Variants in UST observed in about 807,000 individuals in gnomAD.
The protein encoded by UST is chondroitin sulfate 2-O-sulfotransferase.
Under a neutral mutation model 45.6 loss-of-function variants are expected in UST, and 21 were observed. That is an observed-to-expected ratio of 0.46 (90% confidence interval 0.33 to 0.66). UST has a LOEUF of 0.66. Ranked by LOEUF, UST falls within the 30% of genes least tolerant of loss-of-function variation. The probability of loss-of-function intolerance (pLI) is 0.02; values close to 1 mark genes in which losing one functional copy is unlikely to be tolerated. For synonymous variants in UST, 215 were observed against 200.6 expected, an observed-to-expected ratio of 1.07 and a Z score of -0.61; for missense variants, 463 against 512.4, an observed-to-expected ratio of 0.90 and a Z score of 0.93.
intron 1 of UST, among the ~76,000 whole-genome samples, chr6:148,828,444 T>G (rs1357705598): frequency 2.0e-5 from 3 of 152,086 alleles, no homozygotes; most frequent in African/African-American, 7.2e-5. Flanking sequence ...GGAAAATATT[T>G]AAATTATCGT....
intron 5 of UST, among the ~76,000 whole-genome samples, chr6:149,001,934 C>T (rs1781556721): frequency 6.6e-6 from 1 of 152,112 alleles, no homozygotes; most frequent in South Asian, 2.1e-4. Flanking sequence ...CAAATTACTT[C>T]ATGCTTTATT....
At chr6:148,754,402 C>T (rs1233520926) in intron 1 of UST, among the ~76,000 whole-genome samples, 1 of 152,090 alleles carries the variant, frequency 6.6e-6, no homozygotes, top group African/African-American at 2.4e-5. Flanking sequence ...TTTGTGCACT[C>T]GTCACCCAAG....
intron 1 of UST, among the ~76,000 whole-genome samples, chr6:148,805,582 G>A (rs1217084103): frequency 6.6e-6 from 1 of 152,166 alleles, no homozygotes. Flanking sequence ...GAGGATTTCT[G>A]GAATAAGTTT....
intron 3 of UST, among the ~76,000 whole-genome samples, chr6:148,949,914 TC>T (rs1490622493): frequency 6.6e-6 from 1 of 151,982 alleles, no homozygotes; most frequent in African/African-American, 2.4e-5. Context: ...CAAGCCCATT[TC>T]CCCCCTTATC....
At chr6:149,062,391 G>A (rs1357027466) in intron 7 of UST, among the ~76,000 whole-genome samples, 2 of 152,224 alleles carry the variant, frequency 1.3e-5, no homozygotes, top group Admixed American at 6.5e-5. Context: ...ATCCAGTCTT[G>A]CAGATGGATT....
chr6:148,881,037 A>AG (rs1778814245), intron 1 of UST, among the ~76,000 whole-genome samples: 1 of 152,110 alleles, frequency 6.6e-6, no homozygotes, highest in African/African-American at 2.4e-5. Context: ...TAAAAAAAAA[A>AG]AAAAAAATTA....
At chr6:149,002,151 A>G (rs1055393583) in intron 5 of UST, among the ~76,000 whole-genome samples, 2 of 142,140 alleles carry the variant, frequency 1.4e-5, no homozygotes, top group Non-Finnish European at 3.1e-5. Flanking sequence ...AAAAAATCTT[A>G]CAATGTTAAA....
chr6:149,009,814 C>G (rs12193145), intron 5 of UST, among the ~76,000 whole-genome samples: 56,165 of 148,070 alleles, frequency 0.38, 11,154 homozygotes, highest in Non-Finnish European at 0.45. Flanking sequence ...TTCATTATAC[C>G]TTTTGTCTTT....
chr6:148,797,590 A>G (rs907721406), intron 1 of UST, among the ~76,000 whole-genome samples: 9 of 152,348 alleles, frequency 5.9e-5, no homozygotes, highest in African/African-American at 1.9e-4. Context: ...AAGAAAAGTG[A>G]GTGTTCAGAG....
At position 148,921,427 on chromosome 6, in the gene UST, G is replaced by A. The variant is rs144065450; in HGVS notation, c.292-19852G>A. On this transcript the variant is annotated intron_variant, in intron 2 of 7. Transcript: ENST00000367463. ...AACTTGCTTTTTCCTAAGTGATTTT[G>A]TGTGTTGTATAGTATGCTTGTTGTT... 2.1e-3 allele frequency among the ~76,000 whole-genome samples: 317 copies of A among 152,322 alleles called. 2 individuals carry two copies. Among genetic ancestry groups the A allele is most frequent in the African/African-American group, 7.4e-3 (307 of 41,570 alleles).
chr6:148,868,716 C>G (rs151011529), intron 1 of UST, among the ~76,000 whole-genome samples: 2,247 of 152,212 alleles, frequency 0.015, 49 homozygotes, highest in African/African-American at 0.051. Flanking sequence ...AATTTATGCC[C>G]AGGTATAACC....
At chr6:148,853,537 A>T (rs1308324101) in intron 1 of UST, among the ~76,000 whole-genome samples, 1 of 152,174 alleles carries the variant, frequency 6.6e-6, no homozygotes, top group Non-Finnish European at 1.5e-5. Context: ...GAATTGTCAC[A>T]CCGTCTTCCA....
chr6:149,017,145 AGG>A (rs1775911577), intron 5 of UST, among the ~76,000 whole-genome samples: 2 of 152,244 alleles, frequency 1.3e-5, no homozygotes, highest in African/African-American at 4.8e-5. Flanking sequence ...TGGGAGGCCG[AGG>A]CGGGCGGATC....
intron 7 of UST, among the ~76,000 whole-genome samples, chr6:149,060,652 G>A (rs879677600): frequency 6.6e-5 from 10 of 152,166 alleles, no homozygotes; most frequent in East Asian, 1.9e-4. Context: ...GTACACCGAC[G>A]GTACTTCCTC....
intron 2 of UST, among the ~76,000 whole-genome samples, chr6:148,938,782 G>C: frequency 6.6e-6 from 1 of 150,880 alleles, no homozygotes; most frequent in Middle Eastern, 3.5e-3. Context: ...GTAGATAATA[G>C]TATAAATAGT....
chr6:148,803,847 C>A (rs184911992), intron 1 of UST, among the ~76,000 whole-genome samples: 1 of 152,176 alleles, frequency 6.6e-6, no homozygotes, highest in Non-Finnish European at 1.5e-5. Context: ...TTTGCACATG[C>A]GGGATTCACC....
chr6:148,950,258 G>C (rs1384066960), intron 3 of UST, among the ~76,000 whole-genome samples: 1 of 152,172 alleles, frequency 6.6e-6, no homozygotes, highest in Non-Finnish European at 1.5e-5. Flanking sequence ...TTTCTAACAA[G>C]TCTCGGGTGA....
intron 7 of UST, among the ~76,000 whole-genome samples, chr6:149,026,166 A>AAAAC (rs762937458): frequency 2.1e-5 from 3 of 144,028 alleles, no homozygotes; most frequent in Admixed American, 6.9e-5. Context: ...AAAAAAAAAA[A>AAAAC]CAGGCCTGAT....
chr6:149,061,154 C>G (rs1776649832), intron 7 of UST, among the ~76,000 whole-genome samples: 1 of 152,062 alleles, frequency 6.6e-6, no homozygotes, highest in African/African-American at 2.4e-5. Flanking sequence ...AGCGAGGCCT[C>G]TGTCCTCCGG....
Sources: allele counts gnomAD v4.1 joint callset (sites outside exome capture counted in the v4.1 genomes callset), GRCh38; gene constraint gnomAD v4.1.1; transcripts MANE v1.5; gene names NCBI Gene and HGNC (gene_info 2026-07-23, HGNC 2026-07-21).